HMCN1: variants seen among roughly 807,000 people sequenced by gnomAD.
HMCN1 encodes the protein hemicentin 1, also known as hemicentin-1.
HMCN1 carries 321 observed loss-of-function variants against 625.9 expected under a neutral mutation model. The observed-to-expected ratio is 0.51, with a 90% CI of 0.47 to 0.56. The LOEUF (loss-of-function observed/expected upper bound fraction) is 0.56, where lower values mean the gene tolerates loss of function less well. Ranked by LOEUF, HMCN1 falls within the 20% of genes least tolerant of loss-of-function variation. HMCN1 has a pLI of 0.00. For missense variants in HMCN1, 6,588 were observed against 6,887.3 expected (o/e 0.96, Z 1.54); for synonymous variants, 2,425 against 2,417.6 (o/e 1.00, Z -0.09).
chr1:185,865,868 G>A lies in HMCN1; in HGVS notation c.621+5G>A. 1 of 1,613,172 alleles carries A rather than the reference G, an allele frequency of 6.2e-7. No homozygotes were observed. Among genetic ancestry groups the A allele is most frequent in the Non-Finnish European group, 8.5e-7 (1 of 1,179,676 alleles). On this transcript the variant is annotated splice_donor_5th_base_variant and intron_variant, in intron 4 of 106. Transcript: ENST00000271588. ...GACAAAAAACAAGTTAATGAGGTCA[G>A]TTTAATAAAGGGAGTCTACTTTATT...
Position 186,114,001 on chromosome 1 carries a change from C to G in HMCN1, c.11154C>G (p.Gly3718=), listed in dbSNP as rs373652814. 10 of 1,613,896 alleles carry G rather than the reference C, an allele frequency of 6.2e-6. No individual in the cohort carries two copies. The highest frequency in any genetic ancestry group is 3.3e-5 in the Admixed American group (2 of 59,982). Residue 3718 remains glycine (G), a synonymous_variant, in exon 73 of 107, where the codon GGC becomes GGG. Coordinates refer to ENST00000271588, the MANE Select transcript of HMCN1 (RefSeq NM_031935.3). ...TVNVPPNIKG[G]PQSLVILLNK... ...CAGTTCCTCCAAACATAAAGGGGGG[C>G]CCCCAGAGCCTTGTAATTCTTTTAA...
At chr1:185,776,931 A>T (rs1656654045) in intron 1 of HMCN1, among the ~76,000 whole-genome samples, 1 of 152,238 alleles carries the variant, frequency 6.6e-6, no homozygotes, top group Non-Finnish European at 1.5e-5. Flanking sequence ...TTAAGAATAG[A>T]ATTGCCTTTG....
chr1:185,882,028 C>T (rs1664340523), intron 4 of HMCN1, among the ~76,000 whole-genome samples: 1 of 152,132 alleles, frequency 6.6e-6, no homozygotes, highest in South Asian at 2.1e-4. Flanking sequence ...AATGTCTACC[C>T]TAAACAGATG....
At chr1:185,847,780 T>A (rs1437899076) in intron 2 of HMCN1, among the ~76,000 whole-genome samples, 3 of 151,916 alleles carry the variant, frequency 2.0e-5, no homozygotes, top group Non-Finnish European at 4.4e-5. Context: ...AGTGAGACCC[T>A]GTCTCTAAAA....
chr1:186,114,203 G>C (rs769023194), intron 73 of HMCN1, 80 bp downstream of exon 73: 157 of 1,434,300 alleles, frequency 1.1e-4, no homozygotes, highest in Admixed American at 1.5e-4. Flanking sequence ...GCACTATTTT[G>C]GTCTCATTAT....
chr1:185,948,791 T>C (rs1571601958), intron 11 of HMCN1, among the ~76,000 whole-genome samples: 2 of 149,326 alleles, frequency 1.3e-5, no homozygotes, highest in South Asian at 4.3e-4. Context: ...GTCGGGGCGG[T>C]GAAAATTTTT....
chr1:186,130,471 A>C lies in HMCN1; in HGVS notation c.13040-36A>C, dbSNP rs774290035. The C allele has an allele frequency of 3.8e-6, 6 of 1,584,790 alleles. No homozygotes were observed. In the South Asian group the frequency reaches 6.6e-5, roughly 18 times the overall value. On this transcript the variant is annotated intron_variant, in intron 84 of 106. Coordinates refer to ENST00000271588, the MANE Select transcript of HMCN1 (RefSeq NM_031935.3). ...GATCACAAAGAAATTATCAGCACTT[A>C]CTTTTACTTTGTACCTGTCTTATGT...
chr1:185,808,238 T>C (rs1212906973), intron 1 of HMCN1, among the ~76,000 whole-genome samples: 1 of 152,024 alleles, frequency 6.6e-6, no homozygotes, highest in African/African-American at 2.4e-5. Context: ...TCCCAGCTAT[T>C]TGGGGCACTG....
chr1:186,160,206 A>T (rs577418633), intron 97 of HMCN1, among the ~76,000 whole-genome samples: 3,372 of 148,122 alleles, frequency 0.023, 56 homozygotes, highest in Non-Finnish European at 0.037. Context: ...GTTTATTTGC[A>T]TAGAGGTGTT....
rs1429573378 is a variant in HMCN1, at chr1:186,164,148, C to G, written c.15257-963C>G. Among the ~76,000 whole-genome samples, 4 of 152,222 alleles carry G rather than the reference C, an allele frequency of 2.6e-5. No homozygotes were observed. In the East Asian group the frequency reaches 7.7e-4, roughly 29 times the overall value. ...CATCTATCCTAGTACCACCCCCCTGCATGAGCAGGCAGACTTGGATGCTTT... is the reference window on the plus strand; with the variant it reads ...CATCTATCCTAGTACCACCCCCCTGGATGAGCAGGCAGACTTGGATGCTTT... On this transcript the variant is annotated intron_variant, in intron 97 of 106. Coordinates refer to ENST00000271588, the MANE Select transcript of HMCN1 (RefSeq NM_031935.3).
At chr1:185,977,508 T>C (rs796163061) in intron 15 of HMCN1, among the ~76,000 whole-genome samples, 20 of 152,280 alleles carry the variant, frequency 1.3e-4, no homozygotes, top group African/African-American at 4.8e-4. Context: ...AGTGAAAGAT[T>C]CTCTTTATTT....
chr1:185,769,290 AT>A (rs1656072300), intron 1 of HMCN1, among the ~76,000 whole-genome samples: 1 of 151,980 alleles, frequency 6.6e-6, no homozygotes, highest in Admixed American at 6.6e-5. Context: ...TTTAAAAAAA[AT>A]GAAAAAATTA....
intron 15 of HMCN1, among the ~76,000 whole-genome samples, chr1:185,973,174 T>C (rs1650948009): frequency 6.6e-6 from 1 of 152,144 alleles, no homozygotes; most frequent in Non-Finnish European, 1.5e-5. Context: ...GACATCATCC[T>C]AACGTACACC....
intron 48 of HMCN1, 79 bp from the exon 49 acceptor site, chr1:186,065,159 A>AGT: frequency 8.9e-7 from 1 of 1,118,248 alleles, no homozygotes; most frequent in Non-Finnish European, 1.3e-6. Flanking sequence ...AAGACAAATG[A>AGT]GTGAAAACCT....
chr1:186,145,702 A>T (rs755970045), intron 92 of HMCN1, 51 bp from the exon 93 acceptor site: 1 of 1,610,894 alleles, frequency 6.2e-7, no homozygotes, highest in South Asian at 1.1e-5. Flanking sequence ...ATAGATTATG[A>T]AGATTTTGAA....
chr1:185,927,984 C>T (rs1667360101), intron 9 of HMCN1, among the ~76,000 whole-genome samples: 3 of 151,712 alleles, frequency 2.0e-5, no homozygotes, highest in African/African-American at 4.8e-5. Context: ...TTTTTTTAAC[C>T]TACATGATAG....
intron 97 of HMCN1, among the ~76,000 whole-genome samples, chr1:186,161,055 A>C (rs1651434012): frequency 6.6e-6 from 1 of 152,278 alleles, no homozygotes; most frequent in African/African-American, 2.4e-5. Context: ...GTGGGAGTCT[A>C]AGTCTCTTTC....
At chr1:186,011,570 G>A (rs993018588) in intron 30 of HMCN1, among the ~76,000 whole-genome samples, 2 of 152,278 alleles carry the variant, frequency 1.3e-5, no homozygotes, top group Non-Finnish European at 2.9e-5. Context: ...CACTTTCAAA[G>A]ATAACTAAAT....
At chr1:185,786,614 C>T (rs1657586783) in intron 1 of HMCN1, among the ~76,000 whole-genome samples, 1 of 152,178 alleles carries the variant, frequency 6.6e-6, no homozygotes, top group Non-Finnish European at 1.5e-5. Context: ...CCTTTACTAG[C>T]TGCAAATGCC....
Sources: allele counts gnomAD v4.1 joint callset (sites outside exome capture counted in the v4.1 genomes callset), GRCh38; gene constraint gnomAD v4.1.1; transcripts MANE v1.5; gene names NCBI Gene and HGNC (gene_info 2026-07-23, HGNC 2026-07-21).